Variants in TCF12 observed in about 807,000 individuals in gnomAD.
TCF12 encodes transcription factor 12, also known as DNA-binding protein HTF4.
A neutral mutation model predicts 86.0 loss-of-function variants in TCF12; 45 were observed. The observed-to-expected ratio is 0.52, with a 90% confidence interval of 0.41 to 0.67. The LOEUF (loss-of-function observed/expected upper bound fraction) is 0.67. Among genes scored for constraint, TCF12 ranks in the 30% least tolerant of loss-of-function variants. The probability of loss-of-function intolerance (pLI) is 0.00; values close to 1 mark genes in which losing one functional copy is unlikely to be tolerated. For missense variants in TCF12, 881 were observed against 859.9 expected, an observed-to-expected ratio of 1.02 and a Z score of -0.31; for synonymous variants, 330 against 299.6, an observed-to-expected ratio of 1.10 and a Z score of -1.05.
At chr15:57,186,575 G>A (rs1486443349) in intron 6 of TCF12, among the ~76,000 whole-genome samples, 1 of 152,172 alleles carries the variant, frequency 6.6e-6, no homozygotes, top group Non-Finnish European at 1.5e-5. Context: ...AATAATGCCA[G>A]TTCTTCCCAA....
chr15:57,253,342 C>T lies in TCF12; in HGVS notation c.1341C>T (p.Thr447=). 2 of 1,614,046 alleles carry T rather than the reference C, an allele frequency of 1.2e-6. No individual in the cohort carries two copies. The highest frequency in any genetic ancestry group is 1.7e-6 in the Non-Finnish European group (2 of 1,179,976). Residue 447 remains threonine (T), a synonymous_variant, in exon 16 of 21, where the codon ACC becomes ACT. Transcript: ENST00000333725. The stretch of plus-strand genomic sequence containing the variant: ...GGAACCATGCTGTGGGACCTTCCAC[C>T]AGTTTGCCTGCTGGTCACAGTGATA... ...VLRNHAVGPS[T]SLPAGHSDIH...
At chr15:57,224,349 A>T (rs1441003456) in intron 8 of TCF12, among the ~76,000 whole-genome samples, 1 of 152,168 alleles carries the variant, frequency 6.6e-6, no homozygotes, top group East Asian at 1.9e-4. Flanking sequence ...AAACATTGAG[A>T]TTATTAGAAA....
chr15:57,000,709 G>GT (rs1307190462), intron 3 of TCF12, among the ~76,000 whole-genome samples: 1 of 152,044 alleles, frequency 6.6e-6, no homozygotes, highest in Admixed American at 6.5e-5. Context: ...AAAGGATGAT[G>GT]TTTTTCCAGT....
intron 3 of TCF12, among the ~76,000 whole-genome samples, chr15:56,966,700 A>G (rs1370713640): frequency 6.6e-6 from 1 of 152,184 alleles, no homozygotes; most frequent in Non-Finnish European, 1.5e-5. Context: ...TTTTTCTCAC[A>G]TAGCAAAATT....
chr15:57,076,786 T>G (rs1036641654), intron 4 of TCF12, among the ~76,000 whole-genome samples: 1 of 152,202 alleles, frequency 6.6e-6, no homozygotes, highest in Admixed American at 6.5e-5. Flanking sequence ...TGTAAACATT[T>G]AGCTCTTAAC....
At chr15:57,239,116 G>A (rs968303958) in intron 12 of TCF12, among the ~76,000 whole-genome samples, 18 of 152,182 alleles carry the variant, frequency 1.2e-4, no homozygotes, top group African/African-American at 4.3e-4. Context: ...ACTTTAGGAG[G>A]CTGAGGCAGT....
chr15:57,080,161 G>T lies in TCF12; in HGVS notation c.223-11628G>T, dbSNP rs560390840. On this transcript the variant is annotated intron_variant, in intron 4 of 20. Transcript: ENST00000333725. The stretch of plus-strand genomic sequence containing the variant: ...TGACAGGATTATATTTTAGTTTTAA[G>T]AAGCTAATTTATCATTTAAAGGTTA... Among the ~76,000 whole-genome samples, 12 of 152,292 alleles carry T rather than the reference G, an allele frequency of 7.9e-5. 1 individual carries two copies. The highest frequency in any genetic ancestry group is 2.9e-4 in the African/African-American group (12 of 41,564).
chr15:57,170,738 ATATATAT>A (rs1373562752), intron 6 of TCF12, among the ~76,000 whole-genome samples: 3 of 1,616 alleles, frequency 1.9e-3, no homozygotes, highest in South Asian at 0.032. Context: ...ATTATATATA[ATATATAT>A]TATATATTAT....
intron 6 of TCF12, among the ~76,000 whole-genome samples, chr15:57,177,594 T>G (rs1220477179): frequency 7.1e-5 from 3 of 42,134 alleles, no homozygotes; most frequent in Non-Finnish European, 1.0e-4. Flanking sequence ...AATGTCCTAT[T>G]TTTGTTAAAA....
chr15:57,147,756 A>G (rs1234149080), intron 5 of TCF12, among the ~76,000 whole-genome samples: 1 of 152,222 alleles, frequency 6.6e-6, no homozygotes, highest in African/African-American at 2.4e-5. Context: ...AAATGTAGAT[A>G]AAGTGACAAT....
At chr15:57,231,855 T>A (rs1358564182) in intron 9 of TCF12, among the ~76,000 whole-genome samples, 9 of 152,220 alleles carry the variant, frequency 5.9e-5, no homozygotes, top group Admixed American at 4.6e-4. Context: ...ATGGTAATTA[T>A]CAATTACTTA....
At chr15:57,100,833 A>G (rs2049688176) in intron 5 of TCF12, among the ~76,000 whole-genome samples, 1 of 152,194 alleles carries the variant, frequency 6.6e-6, no homozygotes, top group Admixed American at 6.5e-5. Flanking sequence ...AGCCATCAAA[A>G]TAATTTTTTA....
intron 3 of TCF12, among the ~76,000 whole-genome samples, chr15:56,995,208 G>C (rs2063643488): frequency 8.2e-6 from 1 of 122,032 alleles, no homozygotes; most frequent in African/African-American, 3.1e-5. Flanking sequence ...ACAGTTTGAA[G>C]TCAGGTAATG....
At chr15:57,184,687 G>T (rs1207778271) in intron 6 of TCF12, among the ~76,000 whole-genome samples, 2 of 152,028 alleles carry the variant, frequency 1.3e-5, no homozygotes, top group African/African-American at 4.8e-5. Flanking sequence ...TCCATCTAGT[G>T]TACTACGAGC....
At chr15:56,983,572 T>C (rs1386735043) in intron 3 of TCF12, among the ~76,000 whole-genome samples, 2 of 152,200 alleles carry the variant, frequency 1.3e-5, no homozygotes, top group Non-Finnish European at 2.9e-5. Flanking sequence ...GAGAGATCTA[T>C]TGCAGAACCC....
In TCF12 at chr15:57,140,533, G is replaced by C. The variant is rs114605408; in HGVS notation, c.326-25869G>C. ...CTGTGGAAACAAAGGAAACAAGTTT[G>C]ATAAGGTTCCTGCATTCATAGATCT... On this transcript the variant is annotated intron_variant, in intron 5 of 20. Transcript: ENST00000333725. Among the ~76,000 whole-genome samples, 502 of 152,256 alleles carry C rather than the reference G, an allele frequency of 3.3e-3. 2 individuals carry two copies. The highest frequency in any genetic ancestry group is 0.012 in the African/African-American group (489 of 41,564).
intron 5 of TCF12, among the ~76,000 whole-genome samples, chr15:57,145,123 A>T (rs1319362702): frequency 6.6e-6 from 1 of 152,230 alleles, no homozygotes; most frequent in African/African-American, 2.4e-5. Context: ...CTTAATAAGA[A>T]CATTTCCATA....
chr15:56,972,005 C>T (rs1420320122), intron 3 of TCF12, among the ~76,000 whole-genome samples: 2 of 152,140 alleles, frequency 1.3e-5, no homozygotes, highest in Non-Finnish European at 2.9e-5. Flanking sequence ...TTGATGGTTG[C>T]ACAGCTCTTA....
At chr15:57,062,964 T>TC (rs140208439) in intron 3 of TCF12, among the ~76,000 whole-genome samples, 2,693 of 152,230 alleles carry the variant, frequency 0.018, 34 homozygotes, top group Non-Finnish European at 0.027. Flanking sequence ...GATTAAGAGA[T>TC]CTCCAAGTCT....
Sources: allele counts gnomAD v4.1 joint callset (sites outside exome capture counted in the v4.1 genomes callset), GRCh38; gene constraint gnomAD v4.1.1; transcripts MANE v1.5; gene names NCBI Gene and HGNC (gene_info 2026-07-23, HGNC 2026-07-21).